UBN2: variants seen among roughly 807,000 people sequenced by gnomAD.
The protein encoded by UBN2 is ubinuclein-2.
UBN2 carries 35 observed loss-of-function variants against 120.2 expected under a neutral mutation model. The observed-to-expected ratio is 0.29, with a 90% CI of 0.22 to 0.39. The LOEUF is 0.39. Ranked by LOEUF, UBN2 falls within the 10% of genes least tolerant of loss-of-function variation. The pLI is 1.00. For synonymous variants in UBN2, 661 were observed against 648.7 expected (o/e 1.02, Z -0.29); for missense variants, 1,693 against 1,663.2 (o/e 1.02, Z -0.31).
chr7:139,243,476 A>T (rs1249987630), intron 2 of UBN2, among the ~76,000 whole-genome samples: 1 of 152,234 alleles, frequency 6.6e-6, no homozygotes, highest in Non-Finnish European at 1.5e-5. Flanking sequence ...TAGGGAAGAT[A>T]GTATAATCCT....
chr7:139,260,911 G>A (rs1428184595), intron 5 of UBN2, among the ~76,000 whole-genome samples: 3 of 152,162 alleles, frequency 2.0e-5, no homozygotes, highest in Non-Finnish European at 1.5e-5. Context: ...TGAAACACGG[G>A]GCTGCCTTTA....
At chr7:139,313,246 T>G in the UBN2 span, among the ~76,000 whole-genome samples, 1 of 152,196 alleles carries the variant, frequency 6.6e-6, no homozygotes, top group African/African-American at 2.4e-5. Flanking sequence ...TTAAGAAGAA[T>G]AATAGAATCT....
At chr7:139,236,183 G>C (rs980719390) in intron 1 of UBN2, among the ~76,000 whole-genome samples, 7 of 152,106 alleles carry the variant, frequency 4.6e-5, no homozygotes, top group Non-Finnish European at 1.0e-4. Context: ...TAAATAGATG[G>C]TTAATGTGAG....
intron 6 of UBN2, among the ~76,000 whole-genome samples, chr7:139,264,386 T>A (rs1455515443): frequency 1.3e-5 from 2 of 152,156 alleles, no homozygotes; most frequent in African/African-American, 4.8e-5. Context: ...GCGATCCTCA[T>A]GGAATGTAGC....
chr7:139,272,148 A>T, intron 8 of UBN2, among the ~76,000 whole-genome samples, 174 bp from the exon 9 acceptor site: 1 of 152,182 alleles, frequency 6.6e-6, no homozygotes, highest in African/African-American at 2.4e-5. Context: ...CTAATTTTGT[A>T]TCCAGTGTGT....
the UBN2 span, among the ~76,000 whole-genome samples, chr7:139,326,188 A>G: frequency 2.6e-5 from 4 of 152,296 alleles, no homozygotes; most frequent in East Asian, 1.9e-4. Flanking sequence ...CCCAGGAGGC[A>G]GAGGTTGCAG....
intron 3 of UBN2, among the ~76,000 whole-genome samples, chr7:139,255,217 A>G (rs921548532): frequency 2.6e-5 from 4 of 152,216 alleles, no homozygotes; most frequent in African/African-American, 7.2e-5. Context: ...ACTTTTATAA[A>G]TAGCATTTTT....
chr7:139,311,347 G>A (rs1371853425), downstream of UBN2, among the ~76,000 whole-genome samples: 1 of 152,176 alleles, frequency 6.6e-6, no homozygotes, highest in Non-Finnish European at 1.5e-5. Context: ...CCTCTTCTGT[G>A]TCTCTGTTGT....
the UBN2 span, among the ~76,000 whole-genome samples, chr7:139,326,577 T>A: frequency 6.6e-6 from 1 of 152,250 alleles, no homozygotes; most frequent in Non-Finnish European, 1.5e-5. Context: ...TGCTCTGATT[T>A]CCTTAGCACC....
In UBN2 at chr7:139,296,919, G is replaced by T. The variant is rs183359509; in HGVS notation, c.3995-868G>T. Among the ~76,000 whole-genome samples the T allele has an allele frequency of 4.6e-5, 7 of 152,218 alleles. No homozygotes were observed. The East Asian group carries it at 1.4e-3, about 29-fold the overall frequency. On this transcript the variant is annotated intron_variant, in intron 17 of 17. Transcript: ENST00000473989. ...CTCTCTTAAAAAAAGAAAGAGCCAG[G>T]CGTGGTGGCTCATGCCTGTAATCCC...
intron 2 of UBN2, among the ~76,000 whole-genome samples, chr7:139,246,563 G>T (rs1000146610): frequency 1.3e-5 from 2 of 152,180 alleles, no homozygotes; most frequent in Admixed American, 1.3e-4. Flanking sequence ...CATTATTGAG[G>T]TATAATTTAA....
chr7:139,313,717 T>C, the UBN2 span, among the ~76,000 whole-genome samples: 2 of 152,166 alleles, frequency 1.3e-5, no homozygotes, highest in African/African-American at 2.4e-5. Flanking sequence ...TTATTCTAGA[T>C]TTTTGGTATA....
the UBN2 span, among the ~76,000 whole-genome samples, chr7:139,314,967 A>G: frequency 2.0e-5 from 3 of 150,568 alleles, no homozygotes; most frequent in Non-Finnish European, 4.4e-5. Flanking sequence ...TGATATAATA[A>G]TAATAATAAT....
intron 15 of UBN2, among the ~76,000 whole-genome samples, chr7:139,290,852 T>C (rs1002280662): frequency 2.0e-5 from 3 of 152,210 alleles, no homozygotes; most frequent in Non-Finnish European, 2.9e-5. Flanking sequence ...TGTATAAATA[T>C]ATGTAATGTT....
At position 139,306,562 on chromosome 7, in the gene UBN2, C is replaced by G. The variant is rs1168360391; in HGVS notation, c.*8726C>G. On this transcript the variant is annotated 3_prime_UTR_variant, in exon 18 of 18. Transcript: ENST00000473989. ...TGAGACCTTCAGATAATCAATGGGCCTTTCCCCATTAGAGGTAGGTTCCCA... is the reference window on the plus strand; with the variant it reads ...TGAGACCTTCAGATAATCAATGGGCGTTTCCCCATTAGAGGTAGGTTCCCA... 6.6e-6 allele frequency: 1 copy of G among 152,164 alleles called. No homozygotes were observed. Among genetic ancestry groups the G allele is most frequent in the African/African-American group, 2.4e-5 (1 of 41,438 alleles). The allele number at this position is 152,164 out of a possible 1,614,324, so 9.4% of individuals were successfully genotyped here.
At chr7:139,253,107 C>T (rs1796664597) in intron 3 of UBN2, among the ~76,000 whole-genome samples, 1 of 152,160 alleles carries the variant, frequency 6.6e-6, no homozygotes, top group Non-Finnish European at 1.5e-5. Flanking sequence ...TATATTAGTA[C>T]ATGGATATAA....
chr7:139,274,454 G>A (rs747782975), intron 11 of UBN2, among the ~76,000 whole-genome samples: 50 of 152,212 alleles, frequency 3.3e-4, no homozygotes, highest in Non-Finnish European at 4.0e-4. Flanking sequence ...CACAGCCTTA[G>A]ATTCTATTCA....
chr7:139,273,415 GATTTA>G lies in UBN2; in HGVS notation c.1829+9_1829+13del, dbSNP rs974474160. The G allele has an allele frequency of 1.3e-6, 2 of 1,542,064 alleles. No homozygotes were observed. The highest frequency in any genetic ancestry group is 1.8e-6 in the Non-Finnish European group (2 of 1,140,318). On this transcript the variant is annotated splice_donor_region_variant and intron_variant, in intron 10 of 17. Transcript: ENST00000473989. ...CCACTGGGATGACACTATCAGGTAAGATTTAATTAGTTTTCACTTTTAATATATAA... is the reference window on the plus strand; with the variant it reads ...CCACTGGGATGACACTATCAGGTAAGATTAGTTTTCACTTTTAATATATAA...
At position 139,231,729 on chromosome 7, in the gene UBN2, C is replaced by T. The variant is rs1796017057; in HGVS notation, c.245C>T (p.Pro82Leu). Residue 82 changes from proline (P) to leucine (L), a missense_variant, in exon 1 of 18, where the codon CCG becomes CTG. Transcript: ENST00000473989. ...CAGCGCGAGGTCAGCCGCGCCGAGC[C>T]GCCCATGTCGCTGCAGCGGGAGCCC... Reference protein sequence around the residue: ...LPQREVSRAEPPMSLQREPPR... With the variant: ...LPQREVSRAELPMSLQREPPR... The T allele has an allele frequency of 2.5e-6, 3 of 1,186,872 alleles. No individual in the cohort carries two copies. The highest frequency in any genetic ancestry group is 3.8e-5 in the South Asian group (1 of 26,570). The allele number at this position is 1,186,872 out of a possible 1,614,324, so 73.5% of individuals were successfully genotyped here.
Sources: allele counts gnomAD v4.1 joint callset (sites outside exome capture counted in the v4.1 genomes callset), GRCh38; gene constraint gnomAD v4.1.1; transcripts MANE v1.5; gene names NCBI Gene and HGNC (gene_info 2026-07-23, HGNC 2026-07-21).